The following AGBL4 variants were observed in gnomAD, a reference collection of about 807,000 sequenced individuals.
AGBL4 encodes the protein cytosolic carboxypeptidase 6.
In AGBL4, 58 loss-of-function variants were observed where a neutral mutation model predicts 66.4. That is an observed-to-expected ratio of 0.87 (90% confidence interval 0.71 to 1.09). AGBL4 has a LOEUF of 1.09. Ranked by LOEUF, AGBL4 falls within the 50% of genes least tolerant of loss-of-function variation. The probability of loss-of-function intolerance (pLI) is 0.00; values close to 1 mark genes in which losing one functional copy is unlikely to be tolerated. For missense variants in AGBL4, 579 were observed against 631.0 expected (o/e 0.92, Z 0.88); for synonymous variants, 234 against 222.9 (o/e 1.05, Z -0.44).
intron 3 of AGBL4, among the ~76,000 whole-genome samples, chr1:49,298,140 TG>T (rs1362646990): frequency 1.3e-5 from 2 of 152,214 alleles, no homozygotes; most frequent in Non-Finnish European, 1.5e-5. Flanking sequence ...ACTACTTCCT[TG>T]CCCTGTCAGA....
At chr1:49,029,009 C>T (rs1271052770) in intron 5 of AGBL4, among the ~76,000 whole-genome samples, 1 of 152,118 alleles carries the variant, frequency 6.6e-6, no homozygotes, top group Non-Finnish European at 1.5e-5. Flanking sequence ...TACAATCCAA[C>T]ACCCTTTCAT....
intron 6 of AGBL4, among the ~76,000 whole-genome samples, chr1:48,787,780 C>T (rs150966701): frequency 7.9e-5 from 12 of 152,138 alleles, no homozygotes; most frequent in African/African-American, 2.9e-4. Context: ...TTTTTGCTAA[C>T]GTAAGGATGG....
chr1:49,892,037 G>T lies in AGBL4; in HGVS notation c.35-40519C>A, dbSNP rs762509200. On this transcript the variant is annotated intron_variant, in intron 1 of 13. Transcript: ENST00000371839. ...CTGATCTGGAACTAAAAAAACAAAG[G>T]ACCAGAGGGACAGAGCATGATGGCC... Among the ~76,000 whole-genome samples, 8 of 152,072 alleles carry T rather than the reference G, an allele frequency of 5.3e-5. 1 individual carries two copies. Among genetic ancestry groups the T allele is most frequent in the Non-Finnish European group, 1.2e-4 (8 of 68,012 alleles).
intron 4 of AGBL4, among the ~76,000 whole-genome samples, chr1:49,146,693 C>G (rs1646224633): frequency 6.6e-6 from 1 of 152,192 alleles, no homozygotes; most frequent in African/African-American, 2.4e-5. Flanking sequence ...TGTCCTGAGC[C>G]CATGAATAAA....
intron 2 of AGBL4, among the ~76,000 whole-genome samples, chr1:49,713,357 C>A (rs779545695): frequency 1.3e-5 from 2 of 151,982 alleles, no homozygotes; most frequent in South Asian, 2.1e-4. Flanking sequence ...TCCACGGCAC[C>A]TTTTCTCATG....
chr1:49,291,329 C>A (rs887152931), intron 3 of AGBL4, among the ~76,000 whole-genome samples: 1 of 152,196 alleles, frequency 6.6e-6, no homozygotes, highest in South Asian at 2.1e-4. Flanking sequence ...TTTATTAGGC[C>A]AGCATAACCT....
intron 5 of AGBL4, among the ~76,000 whole-genome samples, chr1:49,041,768 A>T (rs1027613987): frequency 2.6e-5 from 4 of 152,154 alleles, no homozygotes; most frequent in Non-Finnish European, 4.4e-5. Context: ...CAATATGAAA[A>T]TCAGGGCTTT....
intron 6 of AGBL4, among the ~76,000 whole-genome samples, chr1:48,811,494 T>A (rs996590057): frequency 2.0e-5 from 3 of 152,222 alleles, no homozygotes; most frequent in Non-Finnish European, 4.4e-5. Flanking sequence ...TCTGGTCTGA[T>A]AATTAGGGTC....
chr1:49,776,851 C>T (rs145093756), intron 2 of AGBL4, among the ~76,000 whole-genome samples: 1 of 152,186 alleles, frequency 6.6e-6, no homozygotes, highest in East Asian at 1.9e-4. Context: ...ACATGAAGCT[C>T]AGATCATGTC....
intron 5 of AGBL4, among the ~76,000 whole-genome samples, chr1:48,948,374 C>A (rs901578906): frequency 2.0e-5 from 3 of 152,210 alleles, no homozygotes; most frequent in Non-Finnish European, 4.4e-5. Context: ...CGACAGCCTG[C>A]CTGCTGCAGC....
intron 3 of AGBL4, chr1:49,268,409 AACACAC>A (rs66639251): frequency 0.1 from 13,716 of 132,890 alleles, 1,428 homozygotes; most frequent in African/African-American, 0.27. Flanking sequence ...TTTTTTTTTA[AACACAC>A]ACACACACAC....
intron 6 of AGBL4, among the ~76,000 whole-genome samples, chr1:48,839,926 G>A (rs1015941940): frequency 1.3e-5 from 2 of 152,086 alleles, no homozygotes; most frequent in African/African-American, 4.8e-5. Context: ...TATATAAGAA[G>A]TCCTGTAACT....
chr1:49,444,541 T>G (rs970917609), intron 3 of AGBL4, among the ~76,000 whole-genome samples: 1 of 152,056 alleles, frequency 6.6e-6, no homozygotes, highest in South Asian at 2.1e-4. Context: ...TTTTTTTCCT[T>G]TTTTTACTGT....
chr1:48,846,391 AAGAAAGAAAG>A (rs1239094244), intron 6 of AGBL4, among the ~76,000 whole-genome samples: 1 of 151,130 alleles, frequency 6.6e-6, no homozygotes, highest in African/African-American at 2.4e-5. Flanking sequence ...GAAAGAAAGA[AAGAAAGAAAG>A]AAAGAAAGAA....
intron 6 of AGBL4, among the ~76,000 whole-genome samples, chr1:48,827,879 G>C (rs1168132627): frequency 6.6e-6 from 1 of 152,046 alleles, no homozygotes; most frequent in Non-Finnish European, 1.5e-5. Context: ...TGGGGGCCAG[G>C]AGCGGCGGCT....
chr1:48,808,042 C>G (rs1645967412), intron 6 of AGBL4, among the ~76,000 whole-genome samples: 1 of 151,978 alleles, frequency 6.6e-6, no homozygotes, highest in Non-Finnish European at 1.5e-5. Context: ...AGCCCATAAC[C>G]CTATTTGTAG....
At chr1:49,842,965 T>C (rs1307907706) in intron 2 of AGBL4, among the ~76,000 whole-genome samples, 1 of 151,944 alleles carries the variant, frequency 6.6e-6, no homozygotes, top group Admixed American at 6.6e-5. Flanking sequence ...TGTGGGACAA[T>C]GGATCCAGGC....
At chr1:49,216,923 C>T (rs1286399853) in intron 4 of AGBL4, among the ~76,000 whole-genome samples, 6 of 152,144 alleles carry the variant, frequency 3.9e-5, no homozygotes, top group African/African-American at 9.7e-5. Context: ...GGCTCCCCCT[C>T]GGTCCTTTGC....
intron 5 of AGBL4, among the ~76,000 whole-genome samples, chr1:49,034,051 G>A (rs1302956348): frequency 6.6e-6 from 1 of 151,924 alleles, no homozygotes; most frequent in African/African-American, 2.4e-5. Flanking sequence ...CTATCACCCA[G>A]GGGCCTTATT....
Sources: gnomAD v4.1 joint callset for allele counts (sites outside exome capture counted in the v4.1 genomes callset) on GRCh38, gnomAD v4.1.1 for gene constraint, MANE v1.5 for transcripts, NCBI Gene and HGNC (gene_info 2026-07-23, HGNC 2026-07-21) for gene names.